LRRC4C: variants seen among roughly 807,000 people sequenced by gnomAD.
The protein encoded by LRRC4C is leucine rich repeat containing 4C.
Under a neutral mutation model 33.6 loss-of-function variants are expected in LRRC4C, and 5 were observed. The observed-to-expected ratio is 0.15, with a 90% CI of 0.08 to 0.31. LRRC4C has a LOEUF of 0.31. Among genes scored for constraint, LRRC4C ranks in the 10% least tolerant of loss-of-function variants. The pLI, the probability that LRRC4C is intolerant of heterozygous loss-of-function variation, is 1.00. For synonymous variants in LRRC4C, 329 were observed against 302.0 expected (o/e 1.09, Z -0.93); for missense variants, 560 against 796.7 (o/e 0.70, Z 3.58).
intron 5 of LRRC4C, among the ~76,000 whole-genome samples, chr11:40,196,955 T>C (rs1188323007): frequency 6.6e-6 from 1 of 152,158 alleles, no homozygotes; most frequent in Non-Finnish European, 1.5e-5. Flanking sequence ...TCTTACTGGG[T>C]AAAATTGCTT....
chr11:40,956,155 C>T (rs1312583408), intron 1 of LRRC4C, among the ~76,000 whole-genome samples: 1 of 151,684 alleles, frequency 6.6e-6, no homozygotes, highest in Non-Finnish European at 1.5e-5. Flanking sequence ...CAAGTGACGG[C>T]GATACCAAAA....
intron 1 of LRRC4C, among the ~76,000 whole-genome samples, chr11:40,959,131 A>G (rs1959084686): frequency 6.6e-6 from 1 of 151,652 alleles, no homozygotes; most frequent in African/African-American, 2.4e-5. Flanking sequence ...TCAATCATCA[A>G]TACTTTGAGA....
chr11:40,423,575 ACCTCGTGATCCGCCCG>A (rs749142659), intron 3 of LRRC4C, among the ~76,000 whole-genome samples: 2 of 151,686 alleles, frequency 1.3e-5, no homozygotes, highest in African/African-American at 4.8e-5. Context: ...CGATCTCCTG[ACCTCGTGATCCGCCCG>A]CCTCGGCCTC....
chr11:40,342,413 G>A (rs954844667), intron 3 of LRRC4C, among the ~76,000 whole-genome samples: 1 of 152,174 alleles, frequency 6.6e-6, no homozygotes, highest in African/African-American at 2.4e-5. Flanking sequence ...AGGTTGCAGT[G>A]AGCCGAGATG....
chr11:41,098,865 T>A (rs540018908), intron 1 of LRRC4C, among the ~76,000 whole-genome samples: 1 of 152,004 alleles, frequency 6.6e-6, no homozygotes, highest in Non-Finnish European at 1.5e-5. Flanking sequence ...GAAATTTAGA[T>A]ACCAAAAATT....
At chr11:41,081,320 T>TA (rs1341853667) in intron 1 of LRRC4C, among the ~76,000 whole-genome samples, 3 of 152,152 alleles carry the variant, frequency 2.0e-5, no homozygotes, top group Admixed American at 6.5e-5. Flanking sequence ...CATGGAAATA[T>TA]AAAAAATAAC....
intron 1 of LRRC4C, among the ~76,000 whole-genome samples, chr11:40,957,908 C>T (rs1959033059): frequency 6.6e-6 from 1 of 151,680 alleles, no homozygotes; most frequent in African/African-American, 2.4e-5. Context: ...GTGAACCTCC[C>T]CCCTTTCCAA....
intron 1 of LRRC4C, among the ~76,000 whole-genome samples, chr11:41,046,827 G>C (rs774825681): frequency 6.6e-6 from 1 of 152,060 alleles, no homozygotes; most frequent in African/African-American, 2.4e-5. Flanking sequence ...CTGAACTATA[G>C]AGAAAGCTAA....
intron 1 of LRRC4C, among the ~76,000 whole-genome samples, chr11:40,950,527 T>C (rs1031573731): frequency 6.6e-6 from 1 of 152,106 alleles, no homozygotes; most frequent in Non-Finnish European, 1.5e-5. Flanking sequence ...GCCTGCTCCA[T>C]CTGTAAGATT....
intron 2 of LRRC4C, among the ~76,000 whole-genome samples, chr11:40,669,739 T>G (rs1311902113): frequency 6.6e-6 from 1 of 152,236 alleles, no homozygotes; most frequent in Non-Finnish European, 1.5e-5. Context: ...CACTTGGCCC[T>G]TTTAGGAAGA....
chr11:40,173,254 T>A (rs772679921), intron 5 of LRRC4C, among the ~76,000 whole-genome samples: 3 of 152,192 alleles, frequency 2.0e-5, no homozygotes, highest in Admixed American at 6.5e-5. Context: ...TAATGCTATG[T>A]TTTCATTTTT....
chr11:40,252,258 T>C (rs778354116), intron 4 of LRRC4C, among the ~76,000 whole-genome samples: 43 of 151,734 alleles, frequency 2.8e-4, no homozygotes, highest in Non-Finnish European at 3.1e-4. Flanking sequence ...ACACCACGAA[T>C]ACACATTTAT....
chr11:41,200,040 C>A (rs934138444), intron 1 of LRRC4C, among the ~76,000 whole-genome samples: 2 of 152,010 alleles, frequency 1.3e-5, no homozygotes, highest in South Asian at 4.1e-4. Flanking sequence ...TGTAAAAAAC[C>A]ATGTTGTTTC....
intron 1 of LRRC4C, among the ~76,000 whole-genome samples, chr11:41,372,204 G>A (rs1283903750): frequency 3.3e-5 from 5 of 152,200 alleles, no homozygotes; most frequent in African/African-American, 1.2e-4. Context: ...GACTGTGACA[G>A]GTTGAATGTG....
At chr11:40,544,283 G>A (rs1392952106) in intron 3 of LRRC4C, among the ~76,000 whole-genome samples, 1 of 152,040 alleles carries the variant, frequency 6.6e-6, no homozygotes, top group African/African-American at 2.4e-5. Context: ...AAATACAGAT[G>A]AGAGTAGATA....
chr11:41,410,010 A>T (rs10837641), intron 1 of LRRC4C, among the ~76,000 whole-genome samples: 1 of 152,126 alleles, frequency 6.6e-6, no homozygotes, highest in East Asian at 1.9e-4. Context: ...CAGAAGATGC[A>T]TGTATATTTT....
At chr11:40,746,027 G>T (rs1293096880) in intron 2 of LRRC4C, among the ~76,000 whole-genome samples, 1 of 152,118 alleles carries the variant, frequency 6.6e-6, no homozygotes, top group Non-Finnish European at 1.5e-5. Context: ...GAGAACACTG[G>T]AATTCAACAG....
intron 1 of LRRC4C, among the ~76,000 whole-genome samples, chr11:41,048,964 G>A (rs1214454596): frequency 6.6e-6 from 1 of 152,168 alleles, no homozygotes; most frequent in South Asian, 2.1e-4. Flanking sequence ...TGTATGCAGT[G>A]GGCAGATTGA....
intron 1 of LRRC4C, among the ~76,000 whole-genome samples, chr11:41,279,907 T>C (rs937427045): frequency 5.1e-4 from 78 of 151,896 alleles, no homozygotes; most frequent in Non-Finnish European, 1.6e-4. Context: ...ATTATATCAT[T>C]ATATCAAATA....
Sources: allele counts gnomAD v4.1 joint callset (sites outside exome capture counted in the v4.1 genomes callset), GRCh38; gene constraint gnomAD v4.1.1; transcripts MANE v1.5; gene names NCBI Gene and HGNC (gene_info 2026-07-23, HGNC 2026-07-21).